The following PRUNE2 variants were observed in gnomAD, a reference collection of about 807,000 sequenced individuals.
PRUNE2 encodes prune homolog 2 with BCH domain, also known as protein prune homolog 2.
In PRUNE2, 164 loss-of-function variants were observed where a neutral mutation model predicts 252.0. The ratio of observed to expected loss-of-function variants is 0.65; its 90% CI spans 0.57 to 0.74. The LOEUF is 0.74. Among genes scored for constraint, PRUNE2 ranks in the 30% least tolerant of loss-of-function variants. The probability of loss-of-function intolerance (pLI) is 0.00; values close to 1 mark genes in which losing one functional copy is unlikely to be tolerated. For synonymous variants in PRUNE2, 1,292 were observed against 1,350.2 expected (o/e 0.96, Z 0.94); for missense variants, 3,495 against 3,711.0 (o/e 0.94, Z 1.51).
chr9:76,850,202 C>CA (rs780285522), intron 3 of PRUNE2, among the ~76,000 whole-genome samples: 2 of 152,124 alleles, frequency 1.3e-5, no homozygotes, highest in Non-Finnish European at 2.9e-5. Context: ...CATGCACCAC[C>CA]ACCCTAGCTC....
chr9:76,902,039 G>A (rs77481300), intron 1 of PRUNE2, among the ~76,000 whole-genome samples: 1 of 152,108 alleles, frequency 6.6e-6, no homozygotes, highest in South Asian at 2.1e-4. Context: ...CATCACCTGG[G>A]GGGGTCTGGG....
At chr9:76,784,148 G>C (rs538367547) in intron 6 of PRUNE2, 2 of 152,318 alleles carry the variant, frequency 1.3e-5, no homozygotes, top group African/African-American at 2.4e-5. Flanking sequence ...CGCCATCTTG[G>C]GTCATCGATG....
chr9:76,879,600 G>A (rs189317003), intron 1 of PRUNE2, among the ~76,000 whole-genome samples: 3 of 150,842 alleles, frequency 2.0e-5, no homozygotes, highest in Admixed American at 2.0e-4. Context: ...AAAATAACAG[G>A]GAAAAGTAAT....
At chr9:76,751,270 A>ACACACACAGACACACACACACACT in intron 6 of PRUNE2, among the ~76,000 whole-genome samples, 1 of 151,278 alleles carries the variant, frequency 6.6e-6, no homozygotes, top group South Asian at 2.1e-4. Flanking sequence ...ACACACACAC[A>ACACACACAGACACACACACACACT]CAGACACACA....
At chr9:76,699,024 T>TTC (rs1328546403) in intron 9 of PRUNE2, among the ~76,000 whole-genome samples, 3 of 121,114 alleles carry the variant, frequency 2.5e-5, no homozygotes, top group African/African-American at 1.1e-4. Flanking sequence ...TCCTCTCTTC[T>TTC]CCTTCCCCAC....
intron 12 of PRUNE2, 150 bp from the exon 13 acceptor site, chr9:76,638,438 G>A (rs1269157541): frequency 3.8e-5 from 23 of 611,666 alleles, no homozygotes; most frequent in Admixed American, 2.4e-4. Context: ...CTATAGGTCT[G>A]TAGGTATATA....
At chr9:76,700,114 A>C (rs1465892213) in intron 9 of PRUNE2, 1 of 152,220 alleles carries the variant, frequency 6.6e-6, no homozygotes, top group Non-Finnish European at 1.5e-5. Flanking sequence ...TTTTGTTAAC[A>C]AGAGTCAGTA....
chr9:76,654,413 T>G (rs1848498076), intron 10 of PRUNE2, among the ~76,000 whole-genome samples: 1 of 152,198 alleles, frequency 6.6e-6, no homozygotes, highest in Non-Finnish European at 1.5e-5. Flanking sequence ...GAAAAAGGTT[T>G]CTATTGACAA....
chr9:76,790,895 T>C (rs2055482568), intron 6 of PRUNE2, among the ~76,000 whole-genome samples: 3 of 152,236 alleles, frequency 2.0e-5, no homozygotes, highest in Admixed American at 6.5e-5. Flanking sequence ...CCAAATACAA[T>C]GGAAGACAGT....
In PRUNE2 at chr9:76,905,978, T is replaced by G. The variant is rs1589872042; in HGVS notation, c.-15A>C. 1 of 1,613,934 alleles carries G rather than the reference T, an allele frequency of 6.2e-7. No individual in the cohort carries two copies. The highest frequency in any genetic ancestry group is 8.5e-7 in the Non-Finnish European group (1 of 1,179,906). ...AATTCTTCCATGTCGTGGCTAGGGG[T>G]TTGGAACCCGGGTACTCGGAGGGGC... On this transcript the variant is annotated 5_prime_UTR_variant, in exon 1 of 19. Transcript: ENST00000376718.
chr9:76,900,574 T>C (rs1432291882), intron 1 of PRUNE2, among the ~76,000 whole-genome samples: 1 of 152,166 alleles, frequency 6.6e-6, no homozygotes, highest in East Asian at 1.9e-4. Flanking sequence ...ACTGTTCATA[T>C]CACCGTCCAT....
chr9:76,830,900 C>T (rs1228965420), intron 4 of PRUNE2, among the ~76,000 whole-genome samples: 1 of 151,670 alleles, frequency 6.6e-6, no homozygotes, highest in Non-Finnish European at 1.5e-5. Context: ...AAACAATTGC[C>T]CATCTAGAAT....
At chr9:76,824,610 G>C (rs946163369) in intron 5 of PRUNE2, among the ~76,000 whole-genome samples, 7 of 152,158 alleles carry the variant, frequency 4.6e-5, no homozygotes, top group African/African-American at 1.4e-4. Flanking sequence ...TCACAGTAAA[G>C]CAGCAAAGGA....
intron 6 of PRUNE2, among the ~76,000 whole-genome samples, chr9:76,730,795 C>T (rs973302140): frequency 1.3e-5 from 2 of 152,038 alleles, no homozygotes; most frequent in South Asian, 2.1e-4. Context: ...CCCAGCTATT[C>T]GGGAGGCTGA....
At chr9:76,770,705 CTTTAAAG>C (rs1167574804) in intron 6 of PRUNE2, among the ~76,000 whole-genome samples, 4 of 152,072 alleles carry the variant, frequency 2.6e-5, no homozygotes, top group Non-Finnish European at 5.9e-5. Context: ...ATGATATTTT[CTTTAAAG>C]TTTAAATTTT....
At chr9:76,686,632 T>A (rs139028144) in intron 9 of PRUNE2, among the ~76,000 whole-genome samples, 5 of 151,798 alleles carry the variant, frequency 3.3e-5, no homozygotes, top group African/African-American at 7.3e-5. Context: ...TTTAAAAAAA[T>A]TTTTGGTAGA....
chr9:76,671,019 GCTC>G (rs2041345507), intron 9 of PRUNE2, among the ~76,000 whole-genome samples: 1 of 152,246 alleles, frequency 6.6e-6, no homozygotes, highest in African/African-American at 2.4e-5. Context: ...AAGGAACACA[GCTC>G]CTCACCTGCA....
At chr9:76,782,503 C>G (rs1417573637) in intron 6 of PRUNE2, among the ~76,000 whole-genome samples, 1 of 152,208 alleles carries the variant, frequency 6.6e-6, no homozygotes, top group African/African-American at 2.4e-5. Flanking sequence ...ACTACAGCAT[C>G]TTCTTTACAG....
chr9:76,646,121 A>C (rs948564794), intron 11 of PRUNE2, among the ~76,000 whole-genome samples: 5 of 152,194 alleles, frequency 3.3e-5, no homozygotes, highest in South Asian at 2.1e-4. Context: ...TTTATTTTAC[A>C]AAGAGACTGT....
Sources: gnomAD v4.1 joint callset for allele counts (sites outside exome capture counted in the v4.1 genomes callset) on GRCh38, gnomAD v4.1.1 for gene constraint, MANE v1.5 for transcripts, NCBI Gene and HGNC (gene_info 2026-07-23, HGNC 2026-07-21) for gene names.